APBB2: variants seen among roughly 807,000 people sequenced by gnomAD.
APBB2 encodes the protein amyloid beta precursor protein binding family B member 2.
APBB2 carries 38 observed loss-of-function variants against 82.5 expected under a neutral mutation model. That is an observed-to-expected ratio of 0.46 (90% confidence interval 0.36 to 0.60). The LOEUF (loss-of-function observed/expected upper bound fraction) is 0.60, where lower values mean the gene tolerates loss of function less well. Ranked by LOEUF, APBB2 falls within the 20% of genes least tolerant of loss-of-function variation. APBB2 has a pLI of 0.00. For synonymous variants in APBB2, 341 were observed against 368.2 expected (o/e 0.93, Z 0.85); for missense variants, 772 against 972.3 (o/e 0.79, Z 2.74).
chr4:40,842,954 C>T (rs771027295), intron 12 of APBB2, among the ~76,000 whole-genome samples: 3 of 152,024 alleles, frequency 2.0e-5, no homozygotes, highest in Non-Finnish European at 4.4e-5. Flanking sequence ...AGATCAGAGA[C>T]GTCCCAGGAA....
Position 40,881,532 on chromosome 4 carries a change from TTC to T in APBB2, c.1529+8830_1529+8831del, listed in dbSNP as rs1336524447. 1.2e-4 allele frequency: 26 copies of T among 215,524 alleles called. 1 individual carries two copies. Among genetic ancestry groups the T allele is most frequent in the Admixed American group, 6.6e-4 (8 of 12,070 alleles). 13.4% of individuals were successfully genotyped at this position (215,524 alleles called of 1,614,324 possible). On this transcript the variant is annotated intron_variant, in intron 12 of 17. Coordinates refer to ENST00000508593, the MANE Select transcript of APBB2 (RefSeq NM_004307.2). Reference sequence around the variant, plus strand: ...TTTCCTTTTATCTTTTCTTTTCTTTTTCTTTTTTTTTTTTTTTTTGATACAGA... The same window carrying T: ...TTTCCTTTTATCTTTTCTTTTCTTTTTTTTTTTTTTTTTTTTTGATACAGA...
intron 7 of APBB2, among the ~76,000 whole-genome samples, chr4:40,943,335 G>T (rs1156735797): frequency 6.6e-6 from 1 of 152,208 alleles, no homozygotes; most frequent in Non-Finnish European, 1.5e-5. Context: ...TAAAGGTTTG[G>T]AATAGGGAAA....
chr4:40,898,088 G>C (rs1482063499), intron 10 of APBB2, among the ~76,000 whole-genome samples: 1 of 152,192 alleles, frequency 6.6e-6, no homozygotes, highest in South Asian at 2.1e-4. Context: ...TTTCTGGCTG[G>C]TGACTTTGAG....
At chr4:40,912,960 A>G (rs1371456017) in intron 10 of APBB2, among the ~76,000 whole-genome samples, 1 of 152,224 alleles carries the variant, frequency 6.6e-6, no homozygotes, top group African/African-American at 2.4e-5. Flanking sequence ...TTGGAAAGCA[A>G]GTCCTGAGGT....
intron 1 of APBB2, among the ~76,000 whole-genome samples, chr4:41,171,261 C>T (rs1466126783): frequency 2.6e-5 from 4 of 152,154 alleles, no homozygotes; most frequent in African/African-American, 9.7e-5. Flanking sequence ...TCCAGATTAC[C>T]ATAGCTGAGA....
In APBB2 at chr4:41,041,974, A is replaced by G. The variant is rs568232265; in HGVS notation, c.-50-8670T>C. On this transcript the variant is annotated intron_variant, in intron 4 of 17. Coordinates refer to ENST00000508593, the MANE Select transcript of APBB2 (RefSeq NM_004307.2). ...AAAGCTTTATGCTTCCCCCACAAATATACCTGATCTCCAACTTTCTTTTTT... is the reference window on the plus strand; with the variant it reads ...AAAGCTTTATGCTTCCCCCACAAATGTACCTGATCTCCAACTTTCTTTTTT... 2.0e-5 allele frequency among the ~76,000 whole-genome samples: 3 copies of G among 152,120 alleles called. No individual in the cohort carries two copies. In the South Asian group the frequency reaches 6.2e-4, roughly 32 times the overall value.
chr4:40,905,004 C>A (rs1190774222), intron 10 of APBB2, among the ~76,000 whole-genome samples: 1 of 152,134 alleles, frequency 6.6e-6, no homozygotes, highest in African/African-American at 2.4e-5. Flanking sequence ...CCACTACTGC[C>A]ATTAACTTAA....
At chr4:40,851,736 A>T (rs1354462622) in intron 12 of APBB2, among the ~76,000 whole-genome samples, 959 of 82,600 alleles carry the variant, frequency 0.012, 11 homozygotes, top group African/African-American at 0.05. Flanking sequence ...ATATATATAT[A>T]TATTTTTTTT....
intron 4 of APBB2, among the ~76,000 whole-genome samples, chr4:41,054,488 G>C (rs1262281788): frequency 6.6e-6 from 1 of 152,190 alleles, no homozygotes; most frequent in Admixed American, 6.5e-5. Flanking sequence ...GATATGGGCA[G>C]TGAGTGGGCA....
intron 2 of APBB2, among the ~76,000 whole-genome samples, chr4:41,112,452 G>T (rs1483865710): frequency 6.6e-6 from 1 of 152,190 alleles, no homozygotes; most frequent in Admixed American, 6.5e-5. Context: ...GTTATAGCAG[G>T]CCTGGCAGCG....
intron 1 of APBB2, among the ~76,000 whole-genome samples, chr4:41,206,527 T>C (rs755460345): frequency 2.0e-5 from 3 of 152,226 alleles, no homozygotes; most frequent in Non-Finnish European, 4.4e-5. Flanking sequence ...GGAAAAGGTA[T>C]ACACAGACCT....
At chr4:41,089,819 G>A (rs946706684) in intron 3 of APBB2, among the ~76,000 whole-genome samples, 3 of 152,098 alleles carry the variant, frequency 2.0e-5, no homozygotes, top group African/African-American at 4.8e-5. Flanking sequence ...GAAGGTAACT[G>A]CATCACTATT....
intron 2 of APBB2, among the ~76,000 whole-genome samples, chr4:41,115,807 A>G (rs570169017): frequency 1.3e-5 from 2 of 152,242 alleles, no homozygotes; most frequent in South Asian, 4.1e-4. Context: ...TTAAAAAGTT[A>G]GGAAACAACA....
At chr4:40,947,163 C>T (rs565581102) in intron 6 of APBB2, among the ~76,000 whole-genome samples, 2 of 152,294 alleles carry the variant, frequency 1.3e-5, no homozygotes, top group Non-Finnish European at 1.5e-5. Context: ...ATTTTGTTTT[C>T]GGCATCTCAA....
chr4:41,116,362 T>C (rs1467208821), intron 2 of APBB2, among the ~76,000 whole-genome samples: 3 of 151,998 alleles, frequency 2.0e-5, no homozygotes, highest in Non-Finnish European at 4.4e-5. Flanking sequence ...ATACCTAATG[T>C]ATATGGCGGG....
Position 40,810,249 on chromosome 4 carries a change from T to G in APBB2, c.*5843A>C, listed in dbSNP as rs1560570448. 6.6e-6 allele frequency: 1 copy of G among 152,144 alleles called. No individual in the cohort carries two copies. Among genetic ancestry groups the G allele is most frequent in the Non-Finnish European group, 1.5e-5 (1 of 68,030 alleles). The allele number at this position is 152,144 out of a possible 1,614,324, so 9.4% of individuals were successfully genotyped here. ...ATAGCGGTAATACATTATTTTTATT[T>G]TAGCTTAGATTTACATTTATCAGTA... On this transcript the variant is annotated 3_prime_UTR_variant, in exon 18 of 18. Transcript: ENST00000508593.
chr4:40,973,175 A>G (rs1468466417), intron 6 of APBB2, among the ~76,000 whole-genome samples: 4 of 152,086 alleles, frequency 2.6e-5, no homozygotes. Context: ...AACTCTATGG[A>G]CTACATCAAT....
At chr4:41,098,449 G>A (rs2153965751) in intron 3 of APBB2, among the ~76,000 whole-genome samples, 1 of 152,242 alleles carries the variant, frequency 6.6e-6, no homozygotes, top group African/African-American at 2.4e-5. Flanking sequence ...CCCCAAAAGT[G>A]TTGGGATTAC....
intron 1 of APBB2, among the ~76,000 whole-genome samples, chr4:41,192,904 A>T (rs867255815): frequency 6.6e-6 from 1 of 152,228 alleles, no homozygotes; most frequent in Admixed American, 6.5e-5. Flanking sequence ...TGATTTTTTT[A>T]AATAATCTTT....
Sources: gnomAD v4.1 joint callset for allele counts (sites outside exome capture counted in the v4.1 genomes callset) on GRCh38, gnomAD v4.1.1 for gene constraint, MANE v1.5 for transcripts, NCBI Gene and HGNC (gene_info 2026-07-23, HGNC 2026-07-21) for gene names.